Variants in JMY observed in about 807,000 individuals in gnomAD.
JMY encodes the protein junction mediating and regulatory protein, p53 cofactor, also known as junction-mediating and -regulatory protein.
In JMY, 46 loss-of-function variants were observed where a neutral mutation model predicts 103.3. The observed-to-expected ratio is 0.45, with a 90% confidence interval of 0.35 to 0.57. JMY has a LOEUF of 0.57. JMY is among the 20% of genes least tolerant of loss of function. The pLI is 0.00. For synonymous variants in JMY, 526 were observed against 489.3 expected (o/e 1.07, Z -0.99); for missense variants, 1,238 against 1,255.2 (o/e 0.99, Z 0.21).
chr5:79,259,341 CAG>C (rs1231352635), intron 1 of JMY, among the ~76,000 whole-genome samples: 1 of 152,170 alleles, frequency 6.6e-6, no homozygotes, highest in African/African-American at 2.4e-5. Flanking sequence ...TTATGGGCCT[CAG>C]GGGAGGAAGT....
Position 79,314,647 on chromosome 5 carries a change from C to T in JMY, c.2455C>T (p.Pro819Ser), listed in dbSNP as rs1182719419. The T allele has an allele frequency of 6.4e-7, 1 of 1,572,508 alleles. No individual in the cohort carries two copies. The highest frequency in any genetic ancestry group is 8.7e-7 in the Non-Finnish European group (1 of 1,152,670). ...ACCACCACCTCCCCCACCTCCTCCC[C>T]CTCCCCCACCACCACCACCTCTGCC... is the stretch of plus-strand genomic sequence containing the variant. ...PTPPPPPPPP[P>S]PPPPPPLPVA... Residue 819 changes from proline (P) to serine (S), a missense_variant, in exon 9 of 11, where the codon CCT becomes TCT. Coordinates refer to ENST00000396137, the MANE Select transcript of JMY (RefSeq NM_152405.5).
chr5:79,278,311 A>G lies in JMY; in HGVS notation c.1206+228A>G, dbSNP rs76216274. On this transcript the variant is annotated intron_variant, in intron 2 of 10. Transcript: ENST00000396137. The stretch of plus-strand genomic sequence containing the variant: ...GAGTAGCCAGGGTTGAGGATAGCCC[A>G]GAAAGTAATGTGTTCAAGTTAGCAC... Among the ~76,000 whole-genome samples, 630 of 152,278 alleles carry G rather than the reference A, an allele frequency of 4.1e-3. 3 individuals are homozygous for G. The highest frequency in any genetic ancestry group is 0.014 in the African/African-American group (594 of 41,564).
chr5:79,297,313 C>T (rs2112104190), intron 4 of JMY, among the ~76,000 whole-genome samples: 1 of 152,212 alleles, frequency 6.6e-6, no homozygotes, highest in Non-Finnish European at 1.5e-5. Flanking sequence ...TTTCTTCTTG[C>T]CCAGGGAAGC....
Position 79,237,669 on chromosome 5 carries a change from A to G in JMY, c.1019A>G (p.Lys340Arg). Residue 340 changes from lysine (K) to arginine (R), a missense_variant, in exon 1 of 11, where the codon AAG becomes AGG. Transcript: ENST00000396137. ...GAAGAAGTGCTTCAGCGGGCCAGGA[A>G]GCGCATCCAGGAGGTGAGTGAGTGA... The part of the protein sequence containing the change: ...GYEEVLQRAR[K>R]RIQELLDKHK... 2 of 1,612,666 alleles carry G rather than the reference A, an allele frequency of 1.2e-6. No individual in the cohort carries two copies. Among genetic ancestry groups the G allele is most frequent in the Admixed American group, 1.7e-5 (1 of 59,924 alleles).
chr5:79,251,932 G>A (rs1330369151), intron 1 of JMY, among the ~76,000 whole-genome samples: 1 of 151,978 alleles, frequency 6.6e-6, no homozygotes, highest in East Asian at 1.9e-4. Flanking sequence ...GTGCCACCAC[G>A]CCCGGCTAAT....
At chr5:79,255,992 A>C (rs146688084) in intron 1 of JMY, among the ~76,000 whole-genome samples, 11 of 152,022 alleles carry the variant, frequency 7.2e-5, no homozygotes, top group African/African-American at 2.6e-4. Context: ...TGGCAAAGCC[A>C]GCCAGCCAGG....
intron 6 of JMY, among the ~76,000 whole-genome samples, chr5:79,301,516 T>G (rs1746733215): frequency 6.6e-6 from 1 of 152,192 alleles, no homozygotes; most frequent in Non-Finnish European, 1.5e-5. Flanking sequence ...AGGCTACCAC[T>G]TCCTCATTCC....
intron 1 of JMY, among the ~76,000 whole-genome samples, chr5:79,247,242 T>G (rs1022245115): frequency 2.0e-5 from 3 of 152,208 alleles, no homozygotes; most frequent in African/African-American, 7.2e-5. Flanking sequence ...ATACATATAC[T>G]GTAATTACCT....
At chr5:79,302,680 A>G (rs1746773522) in intron 6 of JMY, among the ~76,000 whole-genome samples, 1 of 152,200 alleles carries the variant, frequency 6.6e-6, no homozygotes, top group Non-Finnish European at 1.5e-5. Flanking sequence ...TTTACATACC[A>G]CATTAACAAG....
At position 79,251,805 on chromosome 5, in the gene JMY, A is replaced by T. The variant is rs533055341; in HGVS notation, c.1032+14123A>T. Among the ~76,000 whole-genome samples, 73 of 150,164 alleles carry T rather than the reference A, an allele frequency of 4.9e-4. 1 individual carries two copies. The highest frequency in any genetic ancestry group is 1.7e-3 in the African/African-American group (70 of 40,870). On this transcript the variant is annotated intron_variant, in intron 1 of 10. Transcript: ENST00000396137. The stretch of plus-strand genomic sequence containing the variant: ...TTTATTTATTTTTTGAGACAGTTTC[A>T]CTCTTGTTGCCCAGGCTGGAGTGCA...
chr5:79,246,726 C>T (rs939808434), intron 1 of JMY, among the ~76,000 whole-genome samples: 4 of 152,006 alleles, frequency 2.6e-5, no homozygotes, highest in East Asian at 1.9e-4. Flanking sequence ...ACTAAAAATG[C>T]GAAAATTAGC....
At chr5:79,244,364 A>G (rs780906519) in intron 1 of JMY, among the ~76,000 whole-genome samples, 2 of 152,176 alleles carry the variant, frequency 1.3e-5, no homozygotes, top group Non-Finnish European at 2.9e-5. Context: ...GTTAACTTAG[A>G]CAACACTTCA....
chr5:79,299,242 G>A (rs1424381607), intron 4 of JMY, among the ~76,000 whole-genome samples: 1 of 152,136 alleles, frequency 6.6e-6, no homozygotes, highest in African/African-American at 2.4e-5. Context: ...CAAAGCAGTG[G>A]TGCTATGTTC....
At chr5:79,259,681 G>A (rs1745358338) in intron 1 of JMY, among the ~76,000 whole-genome samples, 1 of 152,168 alleles carries the variant, frequency 6.6e-6, no homozygotes, top group Non-Finnish European at 1.5e-5. Context: ...TGTCAGCACT[G>A]CCCCCGAGCC....
At chr5:79,275,785 G>A (rs1299225701) in intron 1 of JMY, among the ~76,000 whole-genome samples, 2 of 152,110 alleles carry the variant, frequency 1.3e-5, no homozygotes, top group Non-Finnish European at 2.9e-5. Flanking sequence ...GCTAATATTT[G>A]TTTGGCACTT....
chr5:79,270,289 T>TATATATTTACATAAATATTTAAAAA (rs1745706908), intron 1 of JMY, among the ~76,000 whole-genome samples: 2 of 145,750 alleles, frequency 1.4e-5, no homozygotes, highest in Admixed American at 1.4e-4. Flanking sequence ...TTATATAAAA[T>TATATATTTACATAAATATTTAAAAA]ATATATTTAC....
At position 79,306,546 on chromosome 5, in the gene JMY, AAACTTAT is replaced by A. The variant is rs1285452420; in HGVS notation, c.1968+90_1968+96del. On this transcript the variant is annotated intron_variant, in intron 7 of 10. Transcript: ENST00000396137. ...ATAAAATCTGTAGAGAATGATAAAAAAACTTATAACTGCATGTTAACATTAGTTCAGT... is the reference window on the plus strand; with the variant it reads ...ATAAAATCTGTAGAGAATGATAAAAAAACTGCATGTTAACATTAGTTCAGT... 6.7e-5 allele frequency: 64 copies of A among 962,400 alleles called. No individual in the cohort carries two copies. In the Middle Eastern group the frequency reaches 1.2e-3, roughly 18 times the overall value. The allele number at this position is 962,400 out of a possible 1,614,324, so 59.6% of individuals were successfully genotyped here. A position where few individuals can be genotyped will look rare whatever the true frequency, so the allele number is the denominator to read the frequency against.
At chr5:79,311,747 T>C (rs905685784) in intron 7 of JMY, among the ~76,000 whole-genome samples, 13 of 152,224 alleles carry the variant, frequency 8.5e-5, no homozygotes, top group Non-Finnish European at 1.9e-4. Context: ...CTAAACCAGA[T>C]GATTCATGGA....
At chr5:79,286,944 C>T (rs1746287788) in intron 2 of JMY, among the ~76,000 whole-genome samples, 1 of 152,126 alleles carries the variant, frequency 6.6e-6, no homozygotes, top group African/African-American at 2.4e-5. Context: ...AGCTACCACT[C>T]CTAGGGTTGG....
Sources: allele counts gnomAD v4.1 joint callset (sites outside exome capture counted in the v4.1 genomes callset), GRCh38; gene constraint gnomAD v4.1.1; transcripts MANE v1.5; gene names NCBI Gene and HGNC (gene_info 2026-07-23, HGNC 2026-07-21).